KIF13B: variants seen among roughly 807,000 people sequenced by gnomAD.
The protein encoded by KIF13B is kinesin family member 13B, also known as kinesin-like protein KIF13B.
Under a neutral mutation model 222.0 loss-of-function variants are expected in KIF13B, and 127 were observed. The observed-to-expected ratio is 0.57, with a 90% CI of 0.50 to 0.66. The LOEUF (loss-of-function observed/expected upper bound fraction) is 0.66, where lower values mean the gene tolerates loss of function less well. KIF13B is among the 30% of genes least tolerant of loss of function. The pLI is 0.00. For synonymous variants in KIF13B, 976 were observed against 919.0 expected (o/e 1.06, Z -1.12); for missense variants, 2,173 against 2,379.0 (o/e 0.91, Z 1.80).
intron 33 of KIF13B, among the ~76,000 whole-genome samples, 197 bp from the exon 34 acceptor site, chr8:29,109,708 T>C (rs142657843): frequency 6.6e-6 from 1 of 152,322 alleles, no homozygotes; most frequent in African/African-American, 2.4e-5. Context: ...ACATCTACTA[T>C]GTACCCATAA....
chr8:29,097,214 C>T (rs1808572120), intron 36 of KIF13B, among the ~76,000 whole-genome samples: 1 of 151,626 alleles, frequency 6.6e-6, no homozygotes, highest in African/African-American at 2.4e-5. Context: ...AAGAGTATTC[C>T]CAGAGACAAA....
chr8:29,072,308 C>T lies in KIF13B; in HGVS notation c.4530G>A (p.Pro1510=), dbSNP rs1467916493. 2.1e-6 allele frequency: 3 copies of T among 1,416,300 alleles called. No homozygotes were observed. Among genetic ancestry groups the T allele is most frequent in the Non-Finnish European group, 2.8e-6 (3 of 1,081,762 alleles). 87.7% of individuals were successfully genotyped at this position (1,416,300 alleles called of 1,614,324 possible). A position where few individuals can be genotyped will look rare whatever the true frequency, so the allele number is the denominator to read the frequency against. ...GCACCAGCACGTCAGGGCCCATCTC[C>T]GGCTGAGCCTGCAGCAGGACGGGGA... is the stretch of plus-strand genomic sequence containing the variant. ...IRVTRMEEAQ[P]EMGPDVLVQT... Residue 1510 remains proline, a synonymous_variant, in exon 39 of 40, where the codon CCG becomes CCA. Coordinates refer to ENST00000524189, the MANE Select transcript of KIF13B (RefSeq NM_015254.4).
At chr8:29,179,016 T>C (rs1795619722) in intron 8 of KIF13B, among the ~76,000 whole-genome samples, 1 of 152,228 alleles carries the variant, frequency 6.6e-6, no homozygotes, top group Admixed American at 6.5e-5. Context: ...CAAAAAGTTA[T>C]TCCACAAAAG....
At chr8:29,101,738 C>T (rs1489695795) in intron 35 of KIF13B, among the ~76,000 whole-genome samples, 1 of 152,192 alleles carries the variant, frequency 6.6e-6, no homozygotes, top group Non-Finnish European at 1.5e-5. Context: ...CCCCGCAACC[C>T]CACCTATTCT....
intron 2 of KIF13B, among the ~76,000 whole-genome samples, chr8:29,234,700 A>C (rs1815431061): frequency 1.3e-5 from 2 of 151,434 alleles, no homozygotes; most frequent in Non-Finnish European, 2.9e-5. Flanking sequence ...AAAAAAAAAA[A>C]ACTAGAGGAA....
intron 2 of KIF13B, among the ~76,000 whole-genome samples, chr8:29,204,759 C>T (rs866320385): frequency 2.0e-5 from 3 of 151,334 alleles, no homozygotes; most frequent in African/African-American, 7.3e-5. Flanking sequence ...ATCTGGCCTT[C>T]GGCCACAGAC....
chr8:29,133,217 G>C (rs1810421693), intron 22 of KIF13B, among the ~76,000 whole-genome samples: 1 of 152,186 alleles, frequency 6.6e-6, no homozygotes, highest in African/African-American at 2.4e-5. Flanking sequence ...ACAAACCAGT[G>C]AAGAACTACT....
rs755254258 is a variant in KIF13B at position 29,123,444 on chromosome 8, C to T, written c.3401G>A (p.Arg1134Gln). The T allele has an allele frequency of 5.6e-6, 9 of 1,613,934 alleles. No homozygotes were observed. The highest frequency in any genetic ancestry group is 7.6e-6 in the Non-Finnish European group (9 of 1,179,904). The change falls in exon 28 of 40, where the codon CGG becomes CAG. Residue 1134 changes from arginine to glutamine, a missense_variant. Arg to Gln is a conservative substitution (Grantham distance 43). Transcript: ENST00000524189. The stretch of plus-strand genomic sequence containing the variant: ...GTTCCTCTCCTCAGTTAGGGTCAAC[C>T]GCATCTCCAGAAGCTGCGCTTCACG... ...ADREAQLLEMRLTLTEERNAV... is the reference protein window; with the variant it reads ...ADREAQLLEMQLTLTEERNAV...
intron 3 of KIF13B, among the ~76,000 whole-genome samples, chr8:29,193,277 G>A (rs374839228): frequency 6.6e-5 from 10 of 152,182 alleles, no homozygotes; most frequent in East Asian, 1.9e-4. Context: ...AAGCTAAAAC[G>A]TATATCTATC....
intron 13 of KIF13B, among the ~76,000 whole-genome samples, chr8:29,158,224 CACTG>C (rs1811623566): frequency 6.6e-6 from 1 of 152,176 alleles, no homozygotes; most frequent in African/African-American, 2.4e-5. Context: ...CCTTCCATGA[CACTG>C]ACTGACTGTG....
At chr8:29,201,022 G>A (rs1222117595) in intron 2 of KIF13B, among the ~76,000 whole-genome samples, 1 of 152,144 alleles carries the variant, frequency 6.6e-6, no homozygotes, top group Non-Finnish European at 1.5e-5. Context: ...TTTTACCTTC[G>A]TAACAAATAA....
chr8:29,094,132 C>T (rs1349878211), intron 36 of KIF13B, among the ~76,000 whole-genome samples: 1 of 152,096 alleles, frequency 6.6e-6, no homozygotes, highest in African/African-American at 2.4e-5. Context: ...TATGTGTCTC[C>T]AACCTCCCGA....
chr8:29,147,649 A>G, intron 16 of KIF13B, 47 bp from the exon 17 acceptor site: 1 of 1,343,444 alleles, frequency 7.4e-7, no homozygotes, highest in Non-Finnish European at 1.1e-6. Context: ...TTACAACATA[A>G]TAAACTTCAA....
At chr8:29,223,931 T>C (rs1240642151) in intron 2 of KIF13B, among the ~76,000 whole-genome samples, 1 of 151,778 alleles carries the variant, frequency 6.6e-6, no homozygotes, top group Non-Finnish European at 1.5e-5. Context: ...GACCTTGTGA[T>C]CCGCCCGCCT....
chr8:29,151,645 C>T (rs1381870345), intron 14 of KIF13B, among the ~76,000 whole-genome samples: 1 of 152,192 alleles, frequency 6.6e-6, no homozygotes, highest in Non-Finnish European at 1.5e-5. Context: ...CGTCTGTTTA[C>T]ATCACAGTTT....
chr8:29,155,784 A>G lies in KIF13B; in HGVS notation c.1477T>C (p.Cys493Arg), dbSNP rs370408716. Residue 493 changes from cysteine to arginine, a missense_variant, in exon 14 of 40, where the codon TGT becomes CGT. Physicochemically the swap from Cys to Arg is radical, Grantham distance 180. Coordinates refer to ENST00000524189, the MANE Select transcript of KIF13B (RefSeq NM_015254.4). ...CCTTCTGACGTGATGTCTATAATAC[A>G]GTGTTCAGGAAGAATTCCCATGCCG... is the stretch of plus-strand genomic sequence containing the variant. Reference protein sequence around the residue: ...LCGMGILPEHCIIDITSEGQV... With the variant: ...LCGMGILPEHRIIDITSEGQV... 1 of 1,599,888 alleles carries G rather than the reference A, an allele frequency of 6.3e-7. No homozygotes were observed. Among genetic ancestry groups the G allele is most frequent in the Non-Finnish European group, 8.5e-7 (1 of 1,172,098 alleles).
Position 29,069,562 on chromosome 8 carries a change from A to G in KIF13B, c.*942T>C, listed in dbSNP as rs536726074. ...CAAGTTAAGAGTAAGGCCACTGTGG[A>G]TCCGCAATAGAGGGATGTGAGGAGG... On this transcript the variant is annotated 3_prime_UTR_variant, in exon 40 of 40. Transcript: ENST00000524189. The G allele has an allele frequency of 5.8e-4, 89 of 152,358 alleles. No individual in the cohort carries two copies. The highest frequency in any genetic ancestry group is 2.1e-3 in the African/African-American group (86 of 41,572). The allele number at this position is 152,358 out of a possible 1,614,324, so 9.4% of individuals were successfully genotyped here.
At chr8:29,126,183 TCA>T (rs1388212937) in intron 26 of KIF13B, among the ~76,000 whole-genome samples, 1 of 152,072 alleles carries the variant, frequency 6.6e-6, no homozygotes, top group East Asian at 1.9e-4. Context: ...GAGTGGGGAC[TCA>T]CTCAGGAGAG....
chr8:29,105,681 CAG>C (rs1296565702), intron 35 of KIF13B, among the ~76,000 whole-genome samples: 1 of 49,632 alleles, frequency 2.0e-5, no homozygotes, highest in Non-Finnish European at 3.3e-5. Context: ...TTTTTTGAGA[CAG>C]AGTCTCGCTC....
Sources: gnomAD v4.1 joint callset for allele counts (sites outside exome capture counted in the v4.1 genomes callset) on GRCh38, gnomAD v4.1.1 for gene constraint, MANE v1.5 for transcripts, NCBI Gene and HGNC (gene_info 2026-07-23, HGNC 2026-07-21) for gene names.